TSHZ2: variants seen among roughly 807,000 people sequenced by gnomAD.
The protein encoded by TSHZ2 is teashirt homolog 2.
TSHZ2 carries 21 observed loss-of-function variants against 74.4 expected under a neutral mutation model. The ratio of observed to expected loss-of-function variants is 0.28; its 90% CI spans 0.20 to 0.41. The LOEUF is 0.41. Ranked by LOEUF, TSHZ2 falls within the 10% of genes least tolerant of loss-of-function variation. TSHZ2 has a pLI of 1.00. For synonymous variants in TSHZ2, 540 were observed against 515.3 expected, an observed-to-expected ratio of 1.05 and a Z score of -0.65; for missense variants, 1,244 against 1,293.5, an observed-to-expected ratio of 0.96 and a Z score of 0.59.
intron 2 of TSHZ2, among the ~76,000 whole-genome samples, chr20:53,326,619 T>A (rs1274606436): frequency 6.6e-6 from 1 of 152,178 alleles, no homozygotes; most frequent in Non-Finnish European, 1.5e-5. Flanking sequence ...CCTCCATGCA[T>A]CACTGTGTGC....
At chr20:53,152,336 T>TCTGACC (rs2066109496) in intron 1 of TSHZ2, among the ~76,000 whole-genome samples, 1 of 152,162 alleles carries the variant, frequency 6.6e-6, no homozygotes, top group African/African-American at 2.4e-5. Flanking sequence ...TAACCCAAAT[T>TCTGACC]CTGACCCTGA....
chr20:53,392,526 G>A (rs1441300010), intron 2 of TSHZ2, among the ~76,000 whole-genome samples: 2 of 152,226 alleles, frequency 1.3e-5, no homozygotes, highest in East Asian at 3.8e-4. Context: ...GTCAGGAAAA[G>A]TGAGATAGAA....
intron 1 of TSHZ2, among the ~76,000 whole-genome samples, chr20:53,145,028 G>T (rs1170195534): frequency 6.6e-6 from 1 of 152,160 alleles, no homozygotes; most frequent in African/African-American, 2.4e-5. Flanking sequence ...AAATGAAGCA[G>T]GGAGAAATGT....
At chr20:53,468,988 T>A (rs1600664474) in intron 2 of TSHZ2, among the ~76,000 whole-genome samples, 1 of 137,048 alleles carries the variant, frequency 7.3e-6, no homozygotes, top group East Asian at 2.2e-4. Flanking sequence ...CAGATCCAAC[T>A]CAACATCAGG....
At chr20:53,297,611 TGGGGGTAGG>T (rs1991403871) in intron 2 of TSHZ2, among the ~76,000 whole-genome samples, 1 of 152,236 alleles carries the variant, frequency 6.6e-6, no homozygotes, top group African/African-American at 2.4e-5. Flanking sequence ...TTGGGCAACC[TGGGGGTAGG>T]ACACAGTTAG....
intron 1 of TSHZ2, among the ~76,000 whole-genome samples, chr20:53,104,438 G>A (rs1374011281): frequency 6.6e-6 from 1 of 152,152 alleles, no homozygotes; most frequent in Non-Finnish European, 1.5e-5. Flanking sequence ...GCAAATAGGA[G>A]GTTTAGCAGG....
At chr20:53,034,313 G>C (rs1041061880) in intron 1 of TSHZ2, among the ~76,000 whole-genome samples, 10 of 152,112 alleles carry the variant, frequency 6.6e-5, no homozygotes, top group South Asian at 2.1e-4. Flanking sequence ...TGCATTAAAG[G>C]GTTGTTGGCT....
At chr20:53,151,090 C>T (rs1382246980) in intron 1 of TSHZ2, among the ~76,000 whole-genome samples, 1 of 152,178 alleles carries the variant, frequency 6.6e-6, no homozygotes, top group Non-Finnish European at 1.5e-5. Flanking sequence ...TCATATCACG[C>T]TCTCTTGACA....
chr20:53,268,372 G>A (rs951331949), intron 2 of TSHZ2, among the ~76,000 whole-genome samples: 1 of 152,120 alleles, frequency 6.6e-6, no homozygotes, highest in African/African-American at 2.4e-5. Context: ...TCTGAACTTT[G>A]GGACCTGAGA....
intron 1 of TSHZ2, among the ~76,000 whole-genome samples, chr20:53,159,931 T>A (rs1439824481): frequency 3.3e-5 from 5 of 152,242 alleles, no homozygotes; most frequent in African/African-American, 1.2e-4. Context: ...GTTAGTCAAA[T>A]AATTATAAAA....
intron 2 of TSHZ2, among the ~76,000 whole-genome samples, chr20:53,295,813 T>C (rs1991366981): frequency 2.0e-5 from 3 of 152,190 alleles, no homozygotes; most frequent in African/African-American, 7.2e-5. Flanking sequence ...ACCTTGAACT[T>C]GAATTTGAAC....
Position 53,225,142 on chromosome 20 carries a change from G to C in TSHZ2, c.41-28357G>C, listed in dbSNP as rs1387001341. 7.2e-5 allele frequency among the ~76,000 whole-genome samples: 11 copies of C among 152,372 alleles called. No individual in the cohort carries two copies. In the East Asian group the frequency reaches 2.1e-3, roughly 29 times the overall value. ...ATTAGTGAAAACAGGCAGTGGGTCAGATTTGGCCTGTGGGCCATAGGTGGC... is the reference window on the plus strand; with the variant it reads ...ATTAGTGAAAACAGGCAGTGGGTCACATTTGGCCTGTGGGCCATAGGTGGC... On this transcript the variant is annotated intron_variant, in intron 1 of 2. Coordinates refer to ENST00000371497, the MANE Select transcript of TSHZ2 (RefSeq NM_173485.6).
chr20:53,453,590 TA>T (rs2145789111), intron 2 of TSHZ2, among the ~76,000 whole-genome samples: 1 of 152,306 alleles, frequency 6.6e-6, no homozygotes, highest in East Asian at 1.9e-4. Context: ...TATCTTAATT[TA>T]AAACCAGGAG....
At chr20:53,327,661 A>G (rs1411796904) in intron 2 of TSHZ2, among the ~76,000 whole-genome samples, 1 of 152,228 alleles carries the variant, frequency 6.6e-6, no homozygotes, top group South Asian at 2.1e-4. Context: ...GCTATGTGAC[A>G]AGCACTGAGC....
At chr20:53,016,819 A>G (rs2123019482) in intron 1 of TSHZ2, among the ~76,000 whole-genome samples, 1 of 152,302 alleles carries the variant, frequency 6.6e-6, no homozygotes, top group Non-Finnish European at 1.5e-5. Flanking sequence ...GGTGGGCTCC[A>G]CAGGTTGCAT....
intron 1 of TSHZ2, among the ~76,000 whole-genome samples, chr20:53,018,420 G>GA (rs1257540290): frequency 2.0e-5 from 3 of 152,194 alleles, no homozygotes; most frequent in Non-Finnish European, 4.4e-5. Context: ...GCTAGTCCTG[G>GA]AAAGGGGGTC....
At chr20:53,095,831 C>T (rs1281866192) in intron 1 of TSHZ2, among the ~76,000 whole-genome samples, 2 of 152,142 alleles carry the variant, frequency 1.3e-5, no homozygotes, top group African/African-American at 4.8e-5. Context: ...AGTTGAGAAC[C>T]ACTGCCTACT....
chr20:53,059,725 A>G (rs1476783851), intron 1 of TSHZ2, among the ~76,000 whole-genome samples: 2 of 152,184 alleles, frequency 1.3e-5, no homozygotes, highest in Non-Finnish European at 2.9e-5. Flanking sequence ...ATTTTGTTTC[A>G]CGTTCCTATT....
At chr20:53,213,376 T>G (rs1486914948) in intron 1 of TSHZ2, among the ~76,000 whole-genome samples, 2 of 152,192 alleles carry the variant, frequency 1.3e-5, no homozygotes, top group Admixed American at 1.3e-4. Context: ...GAATTCCTTC[T>G]GCTGCTGCAC....
Sources: gnomAD v4.1 joint callset for allele counts (sites outside exome capture counted in the v4.1 genomes callset) on GRCh38, gnomAD v4.1.1 for gene constraint, MANE v1.5 for transcripts, NCBI Gene and HGNC (gene_info 2026-07-23, HGNC 2026-07-21) for gene names.